The following KDM3B variants were observed in gnomAD, a reference collection of about 807,000 sequenced individuals.
KDM3B encodes the protein lysine-specific demethylase 3B.
KDM3B carries 10 observed loss-of-function variants against 170.0 expected under a neutral mutation model. The ratio of observed to expected loss-of-function variants is 0.06; its 90% CI spans 0.04 to 0.10. The LOEUF is 0.10. KDM3B is among the 10% of genes least tolerant of loss of function. KDM3B has a pLI of 1.00. For missense variants in KDM3B, 1,394 were observed against 2,195.2 expected (o/e 0.64, Z 7.29); for synonymous variants, 831 against 834.8 (o/e 1.00, Z 0.08).
At chr5:138,421,026 T>C in intron 15 of KDM3B, 64 bp downstream of exon 15, 1 of 1,578,868 alleles carries the variant, frequency 6.3e-7, no homozygotes, top group South Asian at 1.1e-5. Flanking sequence ...AGAGATCAGA[T>C]AATTGGGTTA....
intron 11 of KDM3B, among the ~76,000 whole-genome samples, chr5:138,402,829 A>G (rs1472636315): frequency 2.6e-5 from 4 of 152,212 alleles, no homozygotes; most frequent in African/African-American, 9.6e-5. Flanking sequence ...GGGAAAGAGA[A>G]CCAAAACTGA....
At chr5:138,406,808 T>G (rs1394946168) in intron 11 of KDM3B, among the ~76,000 whole-genome samples, 2 of 152,078 alleles carry the variant, frequency 1.3e-5, no homozygotes, top group Non-Finnish European at 2.9e-5. Flanking sequence ...TACTCTCATC[T>G]ATTTGAGAAT....
At chr5:138,419,262 T>C in intron 14 of KDM3B, 30 bp downstream of exon 14, 1 of 1,588,314 alleles carries the variant, frequency 6.3e-7, no homozygotes, top group South Asian at 1.1e-5. Context: ...CTGCTCTGCC[T>C]ATGGTAGAAA....
At chr5:138,417,767 C>CCTGGT (rs1212191837) in intron 13 of KDM3B, 157 bp downstream of exon 13, 1 of 705,522 alleles carries the variant, frequency 1.4e-6, no homozygotes, top group Non-Finnish European at 2.3e-6. Flanking sequence ...TAACTTTACT[C>CCTGGT]AAAGGATTTT....
At chr5:138,423,170 T>C (rs1763315400) in intron 15 of KDM3B, among the ~76,000 whole-genome samples, 2 of 152,222 alleles carry the variant, frequency 1.3e-5, no homozygotes, top group African/African-American at 4.8e-5. Context: ...GGTCTCGAAC[T>C]CCTGACCTCA....
In KDM3B at chr5:138,427,075, C is replaced by A. The variant is rs1242231269; in HGVS notation, c.4502+10C>A. 3.7e-6 allele frequency: 6 copies of A among 1,612,836 alleles called. No homozygotes were observed. The highest frequency in any genetic ancestry group is 8.5e-7 in the Non-Finnish European group (1 of 1,178,956). On this transcript the variant is annotated intron_variant, in intron 18 of 23. Transcript: ENST00000314358. ...ACATGATGCCAACCAGGTTAGTGAC[C>A]TGCAGTGGTGTCATCTTCAGAAGCC...
At chr5:138,374,390 CTG>C (rs1761945328) in intron 2 of KDM3B, 1 of 360,228 alleles carries the variant, frequency 2.8e-6, no homozygotes, top group Admixed American at 3.2e-5. Flanking sequence ...TCCCGAGTAA[CTG>C]GGATTACAGG....
At chr5:138,430,044 A>T in intron 21 of KDM3B, 79 bp downstream of exon 21, 14 of 1,559,978 alleles carry the variant, frequency 9.0e-6, no homozygotes, top group Middle Eastern at 2.0e-4. Context: ...AGGGTTTCTC[A>T]TGTAGAGTCC....
chr5:138,428,684 T>C (rs1487066022), intron 20 of KDM3B, among the ~76,000 whole-genome samples: 1 of 152,174 alleles, frequency 6.6e-6, no homozygotes, highest in African/African-American at 2.4e-5. Context: ...CTTTTCCACT[T>C]TGTAGCCTCA....
intron 23 of KDM3B, among the ~76,000 whole-genome samples, chr5:138,433,201 A>C (rs1763582420): frequency 6.8e-6 from 1 of 147,610 alleles, no homozygotes; most frequent in Non-Finnish European, 1.5e-5. Context: ...AACCTCCACC[A>C]TCTGGGTTCA....
chr5:138,395,870 A>G (rs541840327), intron 9 of KDM3B, among the ~76,000 whole-genome samples: 3 of 152,178 alleles, frequency 2.0e-5, no homozygotes, highest in Admixed American at 2.0e-4. Flanking sequence ...CGCTTGCCTC[A>G]GCCTCCCAAA....
At chr5:138,368,386 C>T (rs904092083) in intron 1 of KDM3B, among the ~76,000 whole-genome samples, 7 of 151,726 alleles carry the variant, frequency 4.6e-5, no homozygotes, top group Non-Finnish European at 7.4e-5. Context: ...ATGTACCCCA[C>T]CATGCCTGGT....
At chr5:138,395,247 G>T (rs890441456) in intron 9 of KDM3B, among the ~76,000 whole-genome samples, 2 of 152,166 alleles carry the variant, frequency 1.3e-5, no homozygotes, top group Non-Finnish European at 2.9e-5. Context: ...GGTATTTAAA[G>T]CTGTCAGTCT....
At chr5:138,380,527 A>G (rs1459352989) in intron 5 of KDM3B, among the ~76,000 whole-genome samples, 1 of 152,020 alleles carries the variant, frequency 6.6e-6, no homozygotes, top group African/African-American at 2.4e-5. Flanking sequence ...GTTCTTTTCC[A>G]CTACATGGAT....
At chr5:138,361,018 TCC>T (rs1761594803) in intron 1 of KDM3B, among the ~76,000 whole-genome samples, 1 of 152,166 alleles carries the variant, frequency 6.6e-6, no homozygotes, top group Non-Finnish European at 1.5e-5. Context: ...TTTATTTAGT[TCC>T]CCTTCCACCA....
At chr5:138,420,987 CT>C in intron 15 of KDM3B, 25 bp downstream of exon 15, 1 of 1,611,408 alleles carries the variant, frequency 6.2e-7, no homozygotes, top group Non-Finnish European at 8.5e-7. Context: ...CAACTGTAGC[CT>C]TTTCAGCTTT....
rs751112287 is a variant in KDM3B, at chr5:138,392,068, C to T, written c.2436C>T (p.Ser812=). The stretch of plus-strand genomic sequence containing the variant: ...TGGCTTGCAGACAAGACTCGGACTC[C>T]AGCACCAACAGTGACCTGTCAGATT... ...RSLACRQDSD[S]STNSDLSDLS... The change falls in exon 8 of 24, where the codon TCC becomes TCT. Residue 812 remains serine (S), a synonymous_variant. Transcript: ENST00000314358. 2 of 1,613,474 alleles carry T rather than the reference C, an allele frequency of 1.2e-6. No homozygotes were observed. The highest frequency in any genetic ancestry group is 1.7e-6 in the Non-Finnish European group (2 of 1,179,526).
In KDM3B at chr5:138,417,620, T is replaced by C. The variant is rs770941846; in HGVS notation, c.3435+10T>C. 6.2e-7 allele frequency: 1 copy of C among 1,613,576 alleles called. No individual in the cohort carries two copies. Among genetic ancestry groups the C allele is most frequent in the Non-Finnish European group, 8.5e-7 (1 of 1,179,648 alleles). On this transcript the variant is annotated intron_variant, in intron 13 of 23. Transcript: ENST00000314358. ...CAATGGGATGTCACAGGTAAACTGG[T>C]GTGTGTGGGTATAACTAAGTGAAGC...
intron 1 of KDM3B, among the ~76,000 whole-genome samples, chr5:138,356,636 C>CTTTTTT (rs539401228): frequency 1.4e-4 from 12 of 85,994 alleles, no homozygotes; most frequent in African/African-American, 2.0e-4. Flanking sequence ...TGTCTCTTGA[C>CTTTTTT]TTTTTTTTTT....
Sources: allele counts gnomAD v4.1 joint callset (sites outside exome capture counted in the v4.1 genomes callset), GRCh38; gene constraint gnomAD v4.1.1; transcripts MANE v1.5; gene names NCBI Gene and HGNC (gene_info 2026-07-23, HGNC 2026-07-21).